Variants in NUP210L observed in about 807,000 individuals in gnomAD.
NUP210L encodes the protein nuclear pore membrane glycoprotein 210-like.
In NUP210L, 74 loss-of-function variants were observed where a neutral mutation model predicts 208.5. The ratio of observed to expected loss-of-function variants is 0.35; its 90% CI spans 0.29 to 0.43. The LOEUF is 0.43. NUP210L is among the 20% of genes least tolerant of loss of function. The pLI, the probability that NUP210L is intolerant of heterozygous loss-of-function variation, is 1.00. For missense variants in NUP210L, 1,843 were observed against 2,289.4 expected (o/e 0.81, Z 3.98); for synonymous variants, 780 against 816.9 (o/e 0.95, Z 0.77).
chr1:154,153,955 A>G (rs1659550394), intron 1 of NUP210L, among the ~76,000 whole-genome samples: 2 of 152,140 alleles, frequency 1.3e-5, no homozygotes, highest in South Asian at 4.1e-4. Context: ...TATCTACTCC[A>G]TCTAGGATGA....
chr1:154,147,048 T>C (rs1442695415), intron 2 of NUP210L, among the ~76,000 whole-genome samples: 1 of 152,042 alleles, frequency 6.6e-6, no homozygotes, highest in Non-Finnish European at 1.5e-5. Flanking sequence ...CCAGGCCAAT[T>C]CCCCTTCCTT....
chr1:154,013,474 T>C (rs978014435), intron 33 of NUP210L, among the ~76,000 whole-genome samples: 1 of 152,032 alleles, frequency 6.6e-6, no homozygotes. Flanking sequence ...CCAGGGAGGC[T>C]GAGGCAGGAG....
chr1:153,997,246 G>A (rs1186741829), intron 37 of NUP210L, among the ~76,000 whole-genome samples: 2 of 149,692 alleles, frequency 1.3e-5, no homozygotes, highest in African/African-American at 4.9e-5. Context: ...TTACAGGCAT[G>A]AGCCATCGCG....
At chr1:154,034,379 G>C (rs1407229084) in intron 27 of NUP210L, among the ~76,000 whole-genome samples, 2 of 152,110 alleles carry the variant, frequency 1.3e-5, no homozygotes, top group Admixed American at 6.6e-5. Context: ...ACCCAGGCTG[G>C]AGTGCAGTGG....
chr1:154,135,266 A>G (rs935405495), intron 7 of NUP210L, among the ~76,000 whole-genome samples: 1 of 152,090 alleles, frequency 6.6e-6, no homozygotes, highest in African/African-American at 2.4e-5. Context: ...CCTAATTACA[A>G]TTTGATTGAG....
chr1:154,028,325 A>C (rs187593114), intron 28 of NUP210L, among the ~76,000 whole-genome samples: 236 of 152,272 alleles, frequency 1.5e-3, no homozygotes, highest in Admixed American at 2.4e-3. Context: ...GGTGGCTCAT[A>C]CCTGTAATCC....
intron 23 of NUP210L, among the ~76,000 whole-genome samples, chr1:154,055,079 C>T (rs903761293): frequency 2.0e-5 from 3 of 150,260 alleles, no homozygotes; most frequent in African/African-American, 4.9e-5. Context: ...TTCTTTCTTT[C>T]CTTTCCTTCC....
chr1:153,999,299 C>A (rs1208671445), intron 37 of NUP210L, among the ~76,000 whole-genome samples: 1 of 152,182 alleles, frequency 6.6e-6, no homozygotes, highest in Non-Finnish European at 1.5e-5. Context: ...TAACTATTCC[C>A]ATCCTATCCA....
chr1:154,138,278 T>C, intron 5 of NUP210L, 40 bp from the exon 6 acceptor site: 3 of 1,512,360 alleles, frequency 2.0e-6, no homozygotes, highest in South Asian at 1.4e-5. Context: ...ACAGTTTCCA[T>C]GGACGGAACC....
chr1:154,022,330 G>T (rs760924393), exon 32 of NUP210L: 1 of 1,613,618 alleles, frequency 6.2e-7, no homozygotes, highest in Middle Eastern at 1.7e-4. Flanking sequence ...GGTCCAATAT[G>T]CAGCAAGTCA....
intron 15 of NUP210L, among the ~76,000 whole-genome samples, chr1:154,091,893 C>T (rs1214734688): frequency 2.6e-5 from 4 of 151,762 alleles, no homozygotes. Flanking sequence ...GAAATTCTGA[C>T]ATATACTACA....
At chr1:154,100,515 GTTTTTTTTTTTT>G (rs59904207) in intron 13 of NUP210L, among the ~76,000 whole-genome samples, 2 of 53,344 alleles carry the variant, frequency 3.7e-5, no homozygotes, top group Non-Finnish European at 7.0e-5. Context: ...TTTTGGCTTT[GTTTTTTTTTTTT>G]TTTTTTTTGA....
chr1:154,068,276 A>G (rs1344279098), intron 17 of NUP210L, among the ~76,000 whole-genome samples: 5 of 152,180 alleles, frequency 3.3e-5, no homozygotes, highest in Admixed American at 6.5e-5. Flanking sequence ...CAGAAATAAT[A>G]CCACACATCT....
intron 16 of NUP210L, among the ~76,000 whole-genome samples, chr1:154,072,285 T>G (rs1470202896): frequency 6.6e-6 from 1 of 151,196 alleles, no homozygotes; most frequent in African/African-American, 2.4e-5. Context: ...TACACCAACA[T>G]CTATTATTTT....
chr1:154,036,379 T>C (rs1301974030), intron 27 of NUP210L, among the ~76,000 whole-genome samples: 2 of 146,722 alleles, frequency 1.4e-5, no homozygotes, highest in Admixed American at 6.8e-5. Context: ...TTTTTTTTTT[T>C]TTTTTTTGGA....
intron 37 of NUP210L, 88 bp from the exon 38 acceptor site, chr1:153,995,268 C>G: frequency 1.1e-6 from 1 of 916,660 alleles, no homozygotes; most frequent in Non-Finnish European, 1.7e-6. Context: ...TTTTTTGAGA[C>G]AGAGTTTTAC....
At chr1:154,029,950 G>A in exon 28 of NUP210L, 2 of 1,611,860 alleles carry the variant, frequency 1.2e-6, no homozygotes, top group Non-Finnish European at 1.7e-6. Context: ...ACTGCCCAGA[G>A]GAACTGTTCA....
chr1:154,147,278 A>G (rs1318442414), intron 2 of NUP210L, among the ~76,000 whole-genome samples: 7 of 152,174 alleles, frequency 4.6e-5, no homozygotes, highest in African/African-American at 1.7e-4. Context: ...CCTGAAAATC[A>G]TAACCCCAGG....
intron 22 of NUP210L, 22 bp downstream of exon 22, chr1:154,058,067 G>A: frequency 6.2e-7 from 1 of 1,613,474 alleles, no homozygotes; most frequent in South Asian, 1.1e-5. Flanking sequence ...GAGTGGGAAG[G>A]AAGTATTGAA....
Sources: allele counts gnomAD v4.1 joint callset (sites outside exome capture counted in the v4.1 genomes callset), GRCh38; gene constraint gnomAD v4.1.1; transcripts MANE v1.5; gene names NCBI Gene and HGNC (gene_info 2026-07-23, HGNC 2026-07-21).